Variants in FASTKD1 observed in about 807,000 individuals in gnomAD.
FASTKD1 encodes the protein FAST kinase domains 1.
Under a neutral mutation model 90.9 loss-of-function variants are expected in FASTKD1, and 94 were observed. The observed-to-expected ratio is 1.03, with a 90% confidence interval of 0.88 to 1.23. The LOEUF is 1.23. Ranked by LOEUF, FASTKD1 falls within the 50% of genes most tolerant of loss-of-function variation. The pLI, the probability that FASTKD1 is intolerant of heterozygous loss-of-function variation, is 0.00. For synonymous variants in FASTKD1, 319 were observed against 345.8 expected, an observed-to-expected ratio of 0.92 and a Z score of 0.86; for missense variants, 945 against 993.5, an observed-to-expected ratio of 0.95 and a Z score of 0.66.
rs774869320 is a variant in FASTKD1, at chr2:169,571,848, G to A, written c.182C>T (p.Ala61Val). 2 of 1,613,932 alleles carry A rather than the reference G, an allele frequency of 1.2e-6. No individual in the cohort carries two copies. The highest frequency in any genetic ancestry group is 2.2e-5 in the South Asian group (2 of 91,064). ...TCCCACTTGCTTTTCTGAAAGTATGGCTTTGTTTCTTTCAATAAAACCAAA... is the reference window on the plus strand; with the variant it reads ...TCCCACTTGCTTTTCTGAAAGTATGACTTTGTTTCTTTCAATAAAACCAAA... ...QMFGFIERNK[A>V]ILSEKQVGCA... Residue 61 changes from alanine to valine, a missense_variant, in exon 2 of 15, where the codon GCC (alanine) becomes GTC (valine). Ala to Val is a moderately conservative substitution (Grantham distance 64, BLOSUM62 0). Coordinates refer to ENST00000453153, the MANE Select transcript of FASTKD1 (RefSeq NM_024622.6).
intron 7 of FASTKD1, among the ~76,000 whole-genome samples, chr2:169,553,270 G>GAAAAAAAAAA (rs1559149845): frequency 1.3e-4 from 1 of 7,504 alleles, no homozygotes; most frequent in Non-Finnish European, 2.9e-4. Flanking sequence ...TTAAAAGCAT[G>GAAAAAAAAAA]CAAAAAAAAA....
intron 10 of FASTKD1, among the ~76,000 whole-genome samples, chr2:169,539,411 A>C (rs1243319975): frequency 2.0e-5 from 3 of 152,150 alleles, no homozygotes; most frequent in Non-Finnish European, 4.4e-5. Flanking sequence ...GGAGTTAGAG[A>C]CCAGCCTGGG....
At chr2:169,532,307 AG>A (rs1684523875) in intron 12 of FASTKD1, among the ~76,000 whole-genome samples, 1 of 151,318 alleles carries the variant, frequency 6.6e-6, no homozygotes, top group South Asian at 2.1e-4. Flanking sequence ...CCGGCTGAGG[AG>A]GCTGAGGTGG....
chr2:169,541,204 TTACTTA>T (rs1684942422), intron 9 of FASTKD1, among the ~76,000 whole-genome samples: 1 of 152,252 alleles, frequency 6.6e-6, no homozygotes, highest in Non-Finnish European at 1.5e-5. Context: ...ATTTAAAATT[TTACTTA>T]TAAAGTTCCC....
chr2:169,561,720 TTAA>T lies in FASTKD1; in HGVS notation c.573-938_573-936del, dbSNP rs1179042617. Among the ~76,000 whole-genome samples, 35 of 147,618 alleles carry T rather than the reference TTAA, an allele frequency of 2.4e-4. No homozygotes were observed. The East Asian group carries it at 3.7e-3, about 16-fold the overall frequency. ...TTATTAATCTATTATAAATTAATTA[TTAA>T]TCTATTATAAATTAATTATTCATTA... is the stretch of plus-strand genomic sequence containing the variant. On this transcript the variant is annotated intron_variant, in intron 4 of 14. Coordinates refer to ENST00000453153, the MANE Select transcript of FASTKD1 (RefSeq NM_024622.6).
intron 4 of FASTKD1, among the ~76,000 whole-genome samples, chr2:169,562,047 T>TTAATTATTTATTAATTTATTGTAAAA (rs1559157477): frequency 1.5e-5 from 2 of 132,820 alleles, no homozygotes; most frequent in Admixed American, 7.9e-5. Flanking sequence ...TTATTGTAAA[T>TTAATTATTTATTAATTTATTGTAAAA]TAATTATTTA....
chr2:169,561,000 T>TA (rs1481386464), intron 4 of FASTKD1, among the ~76,000 whole-genome samples: 3 of 149,622 alleles, frequency 2.0e-5, no homozygotes, highest in African/African-American at 4.9e-5. Flanking sequence ...TGTATTTTTT[T>TA]TAAAAAAAAG....
chr2:169,569,369 G>C lies in FASTKD1; in HGVS notation c.378-117C>G. ...AAGTTATTTTCCTCTTATACAGGCA[G>C]TCCTTATTTCTGGTCCACTCTTATT... On this transcript the variant is annotated intron_variant, in intron 2 of 14. Coordinates refer to ENST00000453153, the MANE Select transcript of FASTKD1 (RefSeq NM_024622.6). 3.2e-6 allele frequency: 3 copies of C among 936,336 alleles called. No individual in the cohort carries two copies. The South Asian group carries it at 4.2e-5, about 13-fold the overall frequency. The allele number at this position is 936,336 out of a possible 1,614,324, so 58.0% of individuals were successfully genotyped here. A position where few individuals can be genotyped will look rare whatever the true frequency, so the allele number is the denominator to read the frequency against.
chr2:169,544,821 T>G lies in FASTKD1; in HGVS notation c.1716A>C (p.Thr572=). The change falls in exon 9 of 15, where the codon ACA becomes ACC. Residue 572 remains threonine (T), a synonymous_variant. Coordinates refer to ENST00000453153, the MANE Select transcript of FASTKD1 (RefSeq NM_024622.6). ...TGAATGGACGAATAATAGCAGGGAT[T>G]GTAAAAGGATGGATCTGTATAAAAA... is the stretch of plus-strand genomic sequence containing the variant. ...VQQIEKIHPF[T]IPAIIRPFSV... The G allele has an allele frequency of 6.3e-7, 1 of 1,598,822 alleles. No individual in the cohort carries two copies. The highest frequency in any genetic ancestry group is 8.6e-7 in the Non-Finnish European group (1 of 1,166,644).
chr2:169,555,066 AAAC>A, intron 7 of FASTKD1, 55 bp downstream of exon 7: 2 of 1,533,084 alleles, frequency 1.3e-6, no homozygotes, highest in Admixed American at 1.9e-5. Context: ...TAGTTAAACA[AAAC>A]AAATATTGTG....
chr2:169,533,385 T>C (rs1363480625), intron 12 of FASTKD1, among the ~76,000 whole-genome samples: 1 of 152,164 alleles, frequency 6.6e-6, no homozygotes, highest in African/African-American at 2.4e-5. Flanking sequence ...AGATGAAATA[T>C]ATAGAATTCA....
intron 13 of FASTKD1, 197 bp downstream of exon 13, chr2:169,531,155 G>T (rs1184515504): frequency 2.6e-6 from 2 of 766,590 alleles, no homozygotes; most frequent in East Asian, 2.5e-5. Context: ...TTTAGTTAGG[G>T]AGATTGCTAG....
chr2:169,569,067 C>A, intron 3 of FASTKD1, 117 bp downstream of exon 3: 1 of 801,622 alleles, frequency 1.2e-6, no homozygotes, highest in Non-Finnish European at 2.1e-6. Flanking sequence ...AGTTTAAATA[C>A]ATTTTTTTCA....
In FASTKD1 at chr2:169,546,303, A is replaced by G. The variant is rs1433805092; in HGVS notation, c.1616T>C (p.Ile539Thr). The stretch of plus-strand genomic sequence containing the variant: ...ATCAGTACTAGAAATAAAAGATGCA[A>G]TCTCCCCAACATTTATGTAATTAAT... ...DDINYINVGEIASFISSTDYL... is the reference protein window; with the variant it reads ...DDINYINVGETASFISSTDYL... Residue 539 changes from isoleucine to threonine, a missense_variant, in exon 8 of 15, where the codon ATT becomes ACT. By Grantham distance (89) the Ile-to-Thr change is moderately conservative (BLOSUM62 -1). Coordinates refer to ENST00000453153, the MANE Select transcript of FASTKD1 (RefSeq NM_024622.6). The G allele has an allele frequency of 6.2e-7, 1 of 1,613,840 alleles. No homozygotes were observed. The highest frequency in any genetic ancestry group is 8.5e-7 in the Non-Finnish European group (1 of 1,179,944).
intron 9 of FASTKD1, among the ~76,000 whole-genome samples, chr2:169,542,492 C>G (rs1310882734): frequency 6.6e-6 from 1 of 152,196 alleles, no homozygotes; most frequent in Non-Finnish European, 1.5e-5. Context: ...CTCTGCTGTC[C>G]TCACATATTG....
chr2:169,557,069 A>T, intron 6 of FASTKD1, 118 bp downstream of exon 6: 1 of 703,676 alleles, frequency 1.4e-6, no homozygotes, highest in Non-Finnish European at 2.5e-6. Context: ...CTTAAGCATT[A>T]ATTCCTTATT....
intron 5 of FASTKD1, among the ~76,000 whole-genome samples, chr2:169,559,815 T>C (rs1286363417): frequency 3.3e-5 from 5 of 152,224 alleles, no homozygotes; most frequent in Non-Finnish European, 7.3e-5. Context: ...CTCTTATCTA[T>C]TAACCGTATT....
Position 169,538,126 on chromosome 2 carries a change from C to A in FASTKD1, c.1961G>T (p.Arg654Leu). The A allele has an allele frequency of 6.2e-7, 1 of 1,601,464 alleles. No homozygotes were observed. Among genetic ancestry groups the A allele is most frequent in the Non-Finnish European group, 8.5e-7 (1 of 1,176,032 alleles). ...AAGATGAAACTGGACTCTTGCACTT[C>A]GAGATGGAGATAAAACTGAAATTAA... ...DSQLEILSPS[R>L]SARVQFHLME... The change falls in exon 11 of 15, where the codon CGA (arginine) becomes CTA (leucine). Residue 654 changes from arginine to leucine, a missense_variant. By Grantham distance (102) the Arg-to-Leu change is moderately radical. Transcript: ENST00000453153.
Position 169,531,473 on chromosome 2 carries a change from C to T in FASTKD1, c.2206G>A (p.Asp736Asn), listed in dbSNP as rs759251384. Residue 736 changes from aspartate to asparagine, a missense_variant, in exon 13 of 15, where the codon GAT becomes AAT. Physicochemically the swap from Asp to Asn is conservative, Grantham distance 23 (BLOSUM62 1). Transcript: ENST00000453153. ...YHKVDFECIL[D>N]KRKKPLPYGS... is the part of the protein sequence containing the mutation. The stretch of plus-strand genomic sequence containing the variant: ...TACGGAAGAGGTTTTTTTCTTTTAT[C>T]CAAGATACACTCAAAATCTTAAGGA... 4 of 1,605,694 alleles carry T rather than the reference C, an allele frequency of 2.5e-6. No homozygotes were observed. In the Admixed American group the frequency reaches 6.8e-5, roughly 27 times the overall value.
Sources: allele counts gnomAD v4.1 joint callset (sites outside exome capture counted in the v4.1 genomes callset), GRCh38; gene constraint gnomAD v4.1.1; transcripts MANE v1.5; gene names NCBI Gene and HGNC (gene_info 2026-07-23, HGNC 2026-07-21).